Variants in CSMD3 observed in about 807,000 individuals in gnomAD.
CSMD3 encodes CUB and sushi domain-containing protein 3.
In CSMD3, 177 loss-of-function variants were observed where a neutral mutation model predicts 435.2. The ratio of observed to expected loss-of-function variants is 0.41; its 90% CI spans 0.36 to 0.46. The LOEUF (loss-of-function observed/expected upper bound fraction) is 0.46. CSMD3 is among the 20% of genes least tolerant of loss of function. CSMD3 has a pLI of 0.34. For missense variants in CSMD3, 4,265 were observed against 4,504.6 expected, an observed-to-expected ratio of 0.95 and a Z score of 1.52; for synonymous variants, 1,656 against 1,520.5, an observed-to-expected ratio of 1.09 and a Z score of -2.07.
chr8:113,241,802 TTG>T (rs1563592934), intron 3 of CSMD3, among the ~76,000 whole-genome samples: 1 of 151,954 alleles, frequency 6.6e-6, no homozygotes, highest in Non-Finnish European at 1.5e-5. Context: ...AGATTCTATC[TTG>T]TCCTCTGACA....
At chr8:112,701,777 T>G (rs1674092328) in intron 13 of CSMD3, among the ~76,000 whole-genome samples, 1 of 152,154 alleles carries the variant, frequency 6.6e-6, no homozygotes, top group Non-Finnish European at 1.5e-5. Context: ...ATAAGCAACC[T>G]AAGTGTTAGA....
chr8:113,001,399 TGCAGG>T (rs1270444628), intron 6 of CSMD3, among the ~76,000 whole-genome samples: 1 of 152,090 alleles, frequency 6.6e-6, no homozygotes, highest in African/African-American at 2.4e-5. Flanking sequence ...CTTTTTCCTC[TGCAGG>T]GCCTTTGTTT....
At chr8:113,105,874 T>C (rs2090460147) in intron 4 of CSMD3, among the ~76,000 whole-genome samples, 1 of 90,064 alleles carries the variant, frequency 1.1e-5, no homozygotes, top group African/African-American at 6.5e-5. Flanking sequence ...CAATGTTCAA[T>C]ATACAGTTAA....
chr8:113,020,707 G>A (rs981559855), intron 5 of CSMD3, among the ~76,000 whole-genome samples: 3 of 152,138 alleles, frequency 2.0e-5, no homozygotes, highest in Non-Finnish European at 4.4e-5. Flanking sequence ...TTCTTCTTCA[G>A]AAGGCAAAAT....
At chr8:113,400,953 A>G (rs2094507233) in intron 1 of CSMD3, among the ~76,000 whole-genome samples, 1 of 151,872 alleles carries the variant, frequency 6.6e-6, no homozygotes, top group Non-Finnish European at 1.5e-5. Flanking sequence ...AAGGTAACAA[A>G]TGTTAACATA....
intron 1 of CSMD3, among the ~76,000 whole-genome samples, chr8:113,356,669 A>G (rs1262702537): frequency 6.6e-6 from 1 of 152,174 alleles, no homozygotes; most frequent in Admixed American, 6.6e-5. Context: ...TAGAAAGCAT[A>G]GTCAATGTAA....
intron 20 of CSMD3, among the ~76,000 whole-genome samples, chr8:112,641,168 T>G (rs1297222514): frequency 6.6e-6 from 1 of 152,178 alleles, no homozygotes; most frequent in African/African-American, 2.4e-5. Context: ...AAATGAGAGC[T>G]AATGTTTTTC....
chr8:112,486,673 T>C (rs1820164167), intron 31 of CSMD3, among the ~76,000 whole-genome samples: 1 of 152,162 alleles, frequency 6.6e-6, no homozygotes, highest in African/African-American at 2.4e-5. Flanking sequence ...TCACCTAGTT[T>C]CTTCTTACTT....
intron 3 of CSMD3, among the ~76,000 whole-genome samples, chr8:113,187,563 A>G (rs1384747496): frequency 6.6e-6 from 1 of 152,030 alleles, no homozygotes; most frequent in Admixed American, 6.6e-5. Context: ...TTGTGTGCAT[A>G]AATTTCGTGT....
At chr8:112,768,121 C>T (rs577806943) in intron 13 of CSMD3, among the ~76,000 whole-genome samples, 2 of 151,436 alleles carry the variant, frequency 1.3e-5, no homozygotes, top group Admixed American at 6.6e-5. Context: ...TTAATCAAAA[C>T]TCAGATGATT....
At chr8:113,403,141 G>A (rs1472514406) in intron 1 of CSMD3, among the ~76,000 whole-genome samples, 1 of 151,162 alleles carries the variant, frequency 6.6e-6, no homozygotes, top group Non-Finnish European at 1.5e-5. Flanking sequence ...GTCCGTTTTA[G>A]CATTACTTTT....
At chr8:112,939,085 A>G (rs886812562) in intron 9 of CSMD3, among the ~76,000 whole-genome samples, 13 of 152,264 alleles carry the variant, frequency 8.5e-5, no homozygotes, top group Middle Eastern at 3.4e-3. Flanking sequence ...TTTTTGATCA[A>G]GGAGTATTAT....
chr8:112,782,265 G>A (rs1318421351), intron 13 of CSMD3, among the ~76,000 whole-genome samples: 1 of 151,982 alleles, frequency 6.6e-6, no homozygotes, highest in Non-Finnish European at 1.5e-5. Context: ...TAATAAAGTA[G>A]AAATTATGGA....
intron 3 of CSMD3, among the ~76,000 whole-genome samples, chr8:113,191,952 G>GT (rs1473030973): frequency 6.6e-6 from 1 of 151,808 alleles, no homozygotes; most frequent in Non-Finnish European, 1.5e-5. Flanking sequence ...TCTGACTGGT[G>GT]TAAGATGGTA....
chr8:112,756,554 G>A (rs2132126851), intron 13 of CSMD3, among the ~76,000 whole-genome samples: 1 of 152,202 alleles, frequency 6.6e-6, no homozygotes, highest in South Asian at 2.1e-4. Flanking sequence ...AATAGGAATT[G>A]TAAGAAAAAT....
At chr8:112,710,078 G>A (rs1051191144) in intron 13 of CSMD3, among the ~76,000 whole-genome samples, 2 of 152,068 alleles carry the variant, frequency 1.3e-5, no homozygotes, top group Non-Finnish European at 2.9e-5. Flanking sequence ...CCCAGTTTCT[G>A]TGAAAAGGTA....
intron 32 of CSMD3, among the ~76,000 whole-genome samples, chr8:112,445,120 G>T (rs914687316): frequency 1.3e-5 from 2 of 152,146 alleles, no homozygotes; most frequent in South Asian, 2.1e-4. Flanking sequence ...ATGTGTGCCT[G>T]TAATCCCAGC....
chr8:112,490,417 A>T (rs892258163), intron 31 of CSMD3, among the ~76,000 whole-genome samples: 8 of 152,220 alleles, frequency 5.3e-5, no homozygotes, highest in Non-Finnish European at 8.8e-5. Flanking sequence ...AAGGATTTTT[A>T]AAAAAATATT....
At chr8:113,383,352 A>G (rs1187786654) in intron 1 of CSMD3, among the ~76,000 whole-genome samples, 1 of 152,206 alleles carries the variant, frequency 6.6e-6, no homozygotes, top group Non-Finnish European at 1.5e-5. Flanking sequence ...AGTTTTAACA[A>G]AGAAACATAA....
Sources: allele counts gnomAD v4.1 joint callset (sites outside exome capture counted in the v4.1 genomes callset), GRCh38; gene constraint gnomAD v4.1.1; transcripts MANE v1.5; gene names NCBI Gene and HGNC (gene_info 2026-07-23, HGNC 2026-07-21).